ZNF419: variants seen among roughly 807,000 people sequenced by gnomAD.
The protein encoded by ZNF419 is zinc finger protein 419A.
Under a neutral mutation model 14.9 loss-of-function variants are expected in ZNF419, and 8 were observed. The observed-to-expected ratio is 0.54, with a 90% confidence interval of 0.32 to 0.97. The LOEUF is 0.97. Among genes scored for constraint, ZNF419 ranks in the 50% least tolerant of loss-of-function variants. ZNF419 has a pLI of 0.04. For missense variants in ZNF419, 595 were observed against 607.2 expected (o/e 0.98, Z 0.21); for synonymous variants, 211 against 205.3 (o/e 1.03, Z -0.24).
chr19:57,488,685 G>A (rs767382359), intron 1 of ZNF419: 2 of 152,372 alleles, frequency 1.3e-5, no homozygotes, highest in Non-Finnish European at 2.9e-5. Context: ...TGTCCACATG[G>A]GCAGCTTGCC....
rs1156548227 is a variant in ZNF419 at position 57,488,055 on chromosome 19, G to C, written c.33+72G>C. ...GAGGGCCGCCTGCTCAGGTCCCCGGGTGCAGAACTGTGGGGCGTTCGTGCG... is the reference window on the plus strand; with the variant it reads ...GAGGGCCGCCTGCTCAGGTCCCCGGCTGCAGAACTGTGGGGCGTTCGTGCG... On this transcript the variant is annotated intron_variant, in intron 1 of 4. Coordinates refer to ENST00000221735, the MANE Select transcript of ZNF419 (RefSeq NM_024691.4). 1.7e-5 allele frequency: 27 copies of C among 1,599,306 alleles called. No homozygotes were observed. The South Asian group carries it at 2.8e-4, about 16-fold the overall frequency.
chr19:57,492,492 A>G, intron 4 of ZNF419: 1 of 765,490 alleles, frequency 1.3e-6, no homozygotes, highest in Non-Finnish European at 2.4e-6. Context: ...CTTGAGCATC[A>G]GCTATTTGGT....
chr19:57,494,036 C>T lies in ZNF419; in HGVS notation c.1479C>T (p.Arg493=). ...GCAGGGAATGTGGGAAGTTTTTTCG[C>T]CACAACTCCAGTCTTTTTAAACATC... ...YECRECGKFF[R]HNSSLFKHRR... The change falls in exon 5 of 5, where the codon CGC becomes CGT. Residue 493 remains arginine, a synonymous_variant. Coordinates refer to ENST00000221735, the MANE Select transcript of ZNF419 (RefSeq NM_024691.4). 6.2e-7 allele frequency: 1 copy of T among 1,612,972 alleles called. No homozygotes were observed. The highest frequency in any genetic ancestry group is 8.5e-7 in the Non-Finnish European group (1 of 1,179,648).
At position 57,487,767 on chromosome 19, in the gene ZNF419, C is replaced by T. The variant is rs2089386541; in HGVS notation, c.-184C>T. ...TCTCGTTTGGTATTCACTTTCGCGA[C>T]TCAGGTGAACTAACCTGCGAGAAGC... is the stretch of plus-strand genomic sequence containing the variant. On this transcript the variant is annotated 5_prime_UTR_variant, in exon 1 of 5. Coordinates refer to ENST00000221735, the MANE Select transcript of ZNF419 (RefSeq NM_024691.4). 7.8e-6 allele frequency: 6 copies of T among 770,110 alleles called. No homozygotes were observed. The highest frequency in any genetic ancestry group is 3.5e-5 in the African/African-American group (2 of 56,872). The allele number at this position is 770,110 out of a possible 1,614,324, so 47.7% of individuals were successfully genotyped here.
chr19:57,492,680 T>G, intron 4 of ZNF419, 176 bp from the exon 5 acceptor site: 1 of 911,508 alleles, frequency 1.1e-6, no homozygotes, highest in Non-Finnish European at 1.8e-6. Flanking sequence ...CCCAAATCCT[T>G]GAGCTGGCCA....
Position 57,495,368 on chromosome 19 carries a change from T to G in ZNF419, c.*1278T>G, listed in dbSNP as rs2089595790. 6.6e-6 allele frequency: 1 copy of G among 152,172 alleles called. No individual in the cohort carries two copies. The highest frequency in any genetic ancestry group is 6.5e-5 in the Admixed American group (1 of 15,280). The allele number at this position is 152,172 out of a possible 1,614,324, so 9.4% of individuals were successfully genotyped here. On this transcript the variant is annotated 3_prime_UTR_variant, in exon 5 of 5. Coordinates refer to ENST00000221735, the MANE Select transcript of ZNF419 (RefSeq NM_024691.4). ...AATTTTATGGAGCCCAATTTATCCA[T>G]TTGTTATTTTATTCATTGTGCATTT...
At chr19:57,491,327 G>C (rs1227512032) in intron 2 of ZNF419, 144 bp from the exon 3 acceptor site, 3 of 1,233,012 alleles carry the variant, frequency 2.4e-6, no homozygotes, top group Non-Finnish European at 3.4e-6. Context: ...TGAGGAGAGA[G>C]TGGGCATCAG....
At chr19:57,492,792 G>A (rs1419162458) in intron 4 of ZNF419, 64 bp from the exon 5 acceptor site, 1 of 1,605,172 alleles carries the variant, frequency 6.2e-7, no homozygotes, top group East Asian at 2.2e-5. Context: ...AGACACATCT[G>A]TGAGAGTGCT....
intron 1 of ZNF419, 180 bp downstream of exon 1, chr19:57,488,163 C>T (rs1384663978): frequency 1.1e-6 from 1 of 939,122 alleles, no homozygotes; most frequent in Non-Finnish European, 1.6e-6. Context: ...GAGGCGCATT[C>T]AGCGAGTCCC....
chr19:57,489,158 G>A (rs967578667), intron 1 of ZNF419: 1 of 152,234 alleles, frequency 6.6e-6, no homozygotes, highest in African/African-American at 2.4e-5. Flanking sequence ...CTCTCAGCAG[G>A]ATGGTCTTCA....
Position 57,493,890 on chromosome 19 carries a change from C to A in ZNF419, c.1333C>A (p.His445Asn), listed in dbSNP as rs759895086. The A allele has an allele frequency of 6.8e-6, 11 of 1,613,910 alleles. No homozygotes were observed. The South Asian group carries it at 1.1e-4, about 16-fold the overall frequency. ...FFSQSSTLMQ[H>N]RKVHIGEKPF... ...TAGCCAAAGCTCAACCCTCATGCAA[C>A]ATCGAAAAGTTCACATTGGAGAAAA... Residue 445 changes from histidine (H) to asparagine (N), a missense_variant, in exon 5 of 5, where the codon CAT becomes AAT. Coordinates refer to ENST00000221735, the MANE Select transcript of ZNF419 (RefSeq NM_024691.4).
chr19:57,490,015 A>G, intron 1 of ZNF419, 132 bp from the exon 2 acceptor site: 3 of 763,192 alleles, frequency 3.9e-6, no homozygotes. Flanking sequence ...CACAACAGGT[A>G]AGAGGCATCA....
chr19:57,490,232 A>G lies in ZNF419; in HGVS notation c.72+47A>G, dbSNP rs752086748. 7.6e-6 allele frequency: 12 copies of G among 1,581,760 alleles called. No individual in the cohort carries two copies. The South Asian group carries it at 9.0e-5, about 12-fold the overall frequency. On this transcript the variant is annotated intron_variant, in intron 2 of 4. Coordinates refer to ENST00000221735, the MANE Select transcript of ZNF419 (RefSeq NM_024691.4). ...TCCTCACACTCCTGCACTCCTACCT[A>G]CATGGTCTTCAGAATTATGGTGTCT...
chr19:57,492,255 G>C, intron 4 of ZNF419, 44 bp downstream of exon 4: 9 of 1,578,734 alleles, frequency 5.7e-6, no homozygotes, highest in Non-Finnish European at 7.8e-6. Context: ...CTCAGGGATG[G>C]ATTCATATCA....
In ZNF419 at chr19:57,493,690, A is replaced by C. The variant is rs1403722791; in HGVS notation, c.1133A>C (p.Lys378Thr). The change falls in exon 5 of 5, where the codon AAA (lysine) becomes ACA (threonine). Residue 378 changes from lysine to threonine, a missense_variant. Transcript: ENST00000221735. ...CCTTACAAGTGCAGCGACTGTGGGA[A>C]ATTTTTTACCCAATGCTCAAGCCTC... is the stretch of plus-strand genomic sequence containing the variant. ...ERPYKCSDCG[K>T]FFTQCSSLMQ... is the part of the protein sequence containing the mutation. The C allele has an allele frequency of 1.2e-6, 2 of 1,614,114 alleles. No individual in the cohort carries two copies. The highest frequency in any genetic ancestry group is 1.7e-5 in the Admixed American group (1 of 60,016).
At chr19:57,488,306 G>A in intron 1 of ZNF419, 1 of 449,726 alleles carries the variant, frequency 2.2e-6, no homozygotes, top group Non-Finnish European at 4.0e-6. Flanking sequence ...AGACAGAAGA[G>A]TGACAAGATC....
Position 57,493,685 on chromosome 19 carries a change from TG to T in ZNF419, c.1131del (p.Lys378AsnfsTer37), listed in dbSNP as rs2089556459. The T allele has an allele frequency of 2.5e-6, 4 of 1,614,018 alleles. No individual in the cohort carries two copies. The African/African-American group carries it at 5.3e-5, about 22-fold the overall frequency. ...GERPYKCSDC[G>X]KFFTQCSSLM... ...AAAGGCCTTACAAGTGCAGCGACTG[TG>T]GGAAATTTTTTACCCAATGCTCAAG... is the stretch of plus-strand genomic sequence containing the variant. On this transcript the variant is annotated frameshift_variant, in exon 5 of 5. Transcript: ENST00000221735. LOFTEE classifies it low-confidence loss of function (END_TRUNC).
chr19:57,487,940 C>T lies in ZNF419; in HGVS notation c.-11C>T, dbSNP rs755243267. On this transcript the variant is annotated 5_prime_UTR_variant, in exon 1 of 5. Coordinates refer to ENST00000221735, the MANE Select transcript of ZNF419 (RefSeq NM_024691.4). ...TCATTGTCTCCCCTCCAGCTCTACTCACAGGCTCCGATGGCGGCGGCCGCC... is the reference window on the plus strand; with the variant it reads ...TCATTGTCTCCCCTCCAGCTCTACTTACAGGCTCCGATGGCGGCGGCCGCC... The T allele has an allele frequency of 6.2e-7, 1 of 1,613,818 alleles. No homozygotes were observed. The highest frequency in any genetic ancestry group is 1.7e-5 in the Admixed American group (1 of 60,014).
At chr19:57,491,691 G>A in intron 3 of ZNF419, 94 bp downstream of exon 3, 1 of 1,569,534 alleles carries the variant, frequency 6.4e-7, no homozygotes, top group African/African-American at 1.4e-5. Flanking sequence ...AAGCTGAACT[G>A]TGGGCACTCA....
Sources: gnomAD v4.1 joint callset for allele counts on GRCh38, gnomAD v4.1.1 for gene constraint, MANE v1.5 for transcripts, NCBI Gene and HGNC (gene_info 2026-07-23, HGNC 2026-07-21) for gene names.